The following PAM variants were observed in gnomAD, a reference collection of about 807,000 sequenced individuals.
PAM encodes the protein peptidyl-glycine alpha-amidating monooxygenase.
In PAM, 72 loss-of-function variants were observed where a neutral mutation model predicts 122.1. The ratio of observed to expected loss-of-function variants is 0.59; its 90% CI spans 0.49 to 0.72. The LOEUF (loss-of-function observed/expected upper bound fraction) is 0.72. PAM is among the 30% of genes least tolerant of loss of function. PAM has a pLI of 0.00. For synonymous variants in PAM, 389 were observed against 404.4 expected, an observed-to-expected ratio of 0.96 and a Z score of 0.46; for missense variants, 1,106 against 1,183.7, an observed-to-expected ratio of 0.93 and a Z score of 0.96.
chr5:102,856,985 A>T (rs1327833884), intron 1 of PAM, among the ~76,000 whole-genome samples: 2 of 152,200 alleles, frequency 1.3e-5, no homozygotes, highest in African/African-American at 4.8e-5. Context: ...GCAACTTGGT[A>T]CACCTAAGTG....
intron 3 of PAM, among the ~76,000 whole-genome samples, chr5:102,870,049 G>A (rs249495): frequency 0.048 from 7,200 of 150,350 alleles, 217 homozygotes; most frequent in Middle Eastern, 0.092. Flanking sequence ...AAAGAATAGA[G>A]GTTGAAGGAA....
At chr5:102,929,372 T>C (rs1163244371) in intron 7 of PAM, among the ~76,000 whole-genome samples, 1 of 152,182 alleles carries the variant, frequency 6.6e-6, no homozygotes, top group Non-Finnish European at 1.5e-5. Flanking sequence ...AAAAAATGCA[T>C]TAAATATTTA....
chr5:102,981,409 A>G (rs1341056374), intron 15 of PAM, among the ~76,000 whole-genome samples: 3 of 152,360 alleles, frequency 2.0e-5, no homozygotes, highest in East Asian at 1.9e-4. Context: ...TAATCAGCCA[A>G]TTAGCATTTT....
intron 1 of PAM, among the ~76,000 whole-genome samples, chr5:102,835,756 TC>T (rs1173807229): frequency 1.3e-5 from 2 of 152,118 alleles, no homozygotes; most frequent in Admixed American, 1.3e-4. Context: ...ATGAAAATAT[TC>T]AAGTTATGTC....
intron 21 of PAM, among the ~76,000 whole-genome samples, chr5:103,015,080 T>G (rs2151198351): frequency 6.6e-6 from 1 of 152,326 alleles, no homozygotes; most frequent in East Asian, 1.9e-4. Flanking sequence ...AAAAGTTCAC[T>G]TAAGTTAAAT....
rs529025738 is a variant in PAM, at chr5:102,777,958, G to A, written c.-374+22610G>A. On this transcript the variant is annotated intron_variant, in intron 1 of 25. Coordinates refer to ENST00000438793, the MANE Select transcript of PAM (RefSeq NM_001177306.2). ...AATGAAAGGTCACCTGCCAAATTTC[G>A]GTTTGCCCTTGAGAGACCTGCGATC... Among the ~76,000 whole-genome samples, 9 of 152,202 alleles carry A rather than the reference G, an allele frequency of 5.9e-5. No individual in the cohort carries two copies. In the South Asian group the frequency reaches 1.7e-3, roughly 28 times the overall value.
At chr5:102,843,047 G>A (rs1314197224) in intron 1 of PAM, among the ~76,000 whole-genome samples, 2 of 152,144 alleles carry the variant, frequency 1.3e-5, no homozygotes, top group Non-Finnish European at 2.9e-5. Flanking sequence ...TGAAAAGAAA[G>A]TTCTACAGCT....
chr5:102,971,470 C>A (rs1286566816), intron 14 of PAM, among the ~76,000 whole-genome samples: 3 of 152,126 alleles, frequency 2.0e-5, no homozygotes, highest in Non-Finnish European at 4.4e-5. Context: ...CAGGGAAAGA[C>A]CAGAGTGCTA....
chr5:102,922,731 G>T (rs1366659802), intron 5 of PAM, among the ~76,000 whole-genome samples: 1 of 152,134 alleles, frequency 6.6e-6, no homozygotes, highest in Non-Finnish European at 1.5e-5. Context: ...TCATCACATT[G>T]GTTATAGGCA....
chr5:102,995,061 A>C (rs1775272056), intron 16 of PAM, among the ~76,000 whole-genome samples: 1 of 152,096 alleles, frequency 6.6e-6, no homozygotes, highest in Non-Finnish European at 1.5e-5. Flanking sequence ...TCTGCTTCCT[A>C]ACTTGTAGAA....
chr5:103,023,312 C>T (rs529753080), intron 23 of PAM, among the ~76,000 whole-genome samples: 33 of 152,036 alleles, frequency 2.2e-4, no homozygotes, highest in Non-Finnish European at 4.4e-4. Context: ...AAATGACAGG[C>T]AGTAACTACT....
intron 1 of PAM, among the ~76,000 whole-genome samples, chr5:102,847,297 G>A (rs924279492): frequency 3.3e-5 from 5 of 152,120 alleles, no homozygotes; most frequent in Non-Finnish European, 7.3e-5. Context: ...AAACTAGCCA[G>A]GCATGGTGAC....
chr5:102,946,756 T>C (rs1757176766), intron 7 of PAM, 81 bp from the exon 8 acceptor site: 5 of 814,194 alleles, frequency 6.1e-6, no homozygotes, highest in Non-Finnish European at 8.3e-6. Context: ...TATTTGGTTA[T>C]AATCATTTCT....
chr5:103,001,328 C>T (rs1321801514), intron 16 of PAM, among the ~76,000 whole-genome samples: 3 of 151,978 alleles, frequency 2.0e-5, no homozygotes, highest in East Asian at 3.9e-4. Flanking sequence ...TTACCATTTT[C>T]CCATAATTTA....
intron 1 of PAM, among the ~76,000 whole-genome samples, chr5:102,760,035 C>G (rs1477012723): frequency 6.6e-6 from 1 of 152,162 alleles, no homozygotes; most frequent in Non-Finnish European, 1.5e-5. Flanking sequence ...ATTCAATTCT[C>G]CATTAGTCAC....
chr5:102,799,289 A>C (rs773505439), intron 1 of PAM, among the ~76,000 whole-genome samples: 18 of 152,204 alleles, frequency 1.2e-4, no homozygotes, highest in Non-Finnish European at 2.4e-4. Flanking sequence ...TATATTTAGA[A>C]ACCAGAGAAC....
chr5:102,951,355 T>C (rs1475231988), intron 12 of PAM, among the ~76,000 whole-genome samples: 2 of 152,120 alleles, frequency 1.3e-5, no homozygotes, highest in African/African-American at 4.8e-5. Context: ...GAAATAATTA[T>C]ATTCTATAAC....
chr5:102,764,990 A>T (rs1753457359), intron 1 of PAM, among the ~76,000 whole-genome samples: 1 of 152,274 alleles, frequency 6.6e-6, no homozygotes, highest in South Asian at 2.1e-4. Flanking sequence ...TTTATTCATC[A>T]TGAAGCCTCT....
At chr5:102,772,256 C>T (rs191940406) in intron 1 of PAM, among the ~76,000 whole-genome samples, 58 of 152,212 alleles carry the variant, frequency 3.8e-4, no homozygotes, top group African/African-American at 1.3e-3. Context: ...ATGTTGTAAA[C>T]CTTACCTAGA....
Sources: gnomAD v4.1 joint callset for allele counts (sites outside exome capture counted in the v4.1 genomes callset) on GRCh38, gnomAD v4.1.1 for gene constraint, MANE v1.5 for transcripts, NCBI Gene and HGNC (gene_info 2026-07-23, HGNC 2026-07-21) for gene names.